Variants in DMD observed in about 807,000 individuals in gnomAD.
DMD encodes mutant dystrophin.
DMD carries 63 observed loss-of-function variants against 330.1 expected under a neutral mutation model. That is an observed-to-expected ratio of 0.19 (90% CI 0.16 to 0.24). The LOEUF (loss-of-function observed/expected upper bound fraction) is 0.24. Among genes scored for constraint, DMD ranks in the 10% least tolerant of loss-of-function variants. DMD has a pLI of 1.00. For missense variants in DMD, 3,344 were observed against 2,684.1 expected (o/e 1.25, Z -5.43); for synonymous variants, 1,223 against 959.8 (o/e 1.27, Z -5.07).
At chrX:31,836,516 C>T (rs2093201427) in intron 49 of DMD, among the ~76,000 whole-genome samples, 1 of 112,378 alleles carries the variant, frequency 8.9e-6, no homozygotes, top group African/African-American at 3.2e-5. Context: ...AGCAATGACT[C>T]GTTAATAGCC....
intron 1 of DMD, among the ~76,000 whole-genome samples, chrX:33,280,062 A>G (rs189230607): frequency 6.8e-5 from 7 of 102,530 alleles, no homozygotes; most frequent in African/African-American, 2.4e-4. Flanking sequence ...GACTCACTGC[A>G]ACCTCTGCCT....
intron 61 of DMD, among the ~76,000 whole-genome samples, chrX:31,341,598 A>C (rs2148437654): frequency 9.0e-6 from 1 of 111,214 alleles, no homozygotes; most frequent in South Asian, 3.9e-4. Flanking sequence ...ACGAGAGAAT[A>C]ATCGTTGGCA....
At chrX:32,191,972 TA>T (rs2096978123) in intron 44 of DMD, among the ~76,000 whole-genome samples, 1 of 111,824 alleles carries the variant, frequency 8.9e-6, no homozygotes, top group Non-Finnish European at 1.9e-5. Context: ...ACATTACAGT[TA>T]AAACTGAGGT....
At chrX:32,263,988 A>G (rs1001110159) in intron 43 of DMD, among the ~76,000 whole-genome samples, 3 of 112,100 alleles carry the variant, frequency 2.7e-5, no homozygotes, top group African/African-American at 9.7e-5. Flanking sequence ...AAATTTCTTC[A>G]ATGTAGAAAA....
intron 7 of DMD, among the ~76,000 whole-genome samples, chrX:32,757,956 G>A (rs776043536): frequency 9.0e-6 from 1 of 111,719 alleles, no homozygotes; most frequent in African/African-American, 3.3e-5. Flanking sequence ...ACAGGAGGAG[G>A]AGGAGGAAGA....
intron 55 of DMD, among the ~76,000 whole-genome samples, chrX:31,611,803 C>T (rs1254856597): frequency 4.5e-5 from 5 of 110,988 alleles, no homozygotes; most frequent in Non-Finnish European, 7.5e-5. Flanking sequence ...TCAAGTGATC[C>T]TCCTGCTTTA....
At chrX:32,941,868 C>T (rs200019804) in intron 2 of DMD, among the ~76,000 whole-genome samples, 1 of 67,534 alleles carries the variant, frequency 1.5e-5, no homozygotes, top group South Asian at 6.5e-4. Context: ...TATCATACAA[C>T]TCTCTTTTTA....
intron 2 of DMD, among the ~76,000 whole-genome samples, chrX:32,870,981 A>AAAAAAAAAAAAAAAAAAAAAAAAAAAG: frequency 1.2e-5 from 1 of 82,578 alleles, no homozygotes; most frequent in East Asian, 3.9e-4. Context: ...AAAAAAAAAA[A>AAAAAAAAAAAAAAAAAAAAAAAAAAAG]AAAAAAACCA....
At chrX:32,152,657 A>C (rs2096810590) in intron 44 of DMD, among the ~76,000 whole-genome samples, 1 of 111,814 alleles carries the variant, frequency 8.9e-6, no homozygotes, top group Admixed American at 9.5e-5. Flanking sequence ...GTGCCCTTAA[A>C]CATTTGTTTT....
intron 9 of DMD, among the ~76,000 whole-genome samples, chrX:32,690,154 AC>A (rs2147462074): frequency 9.0e-6 from 1 of 110,876 alleles, no homozygotes; most frequent in East Asian, 2.8e-4. Context: ...TGAATAGAAA[AC>A]CCTAGAATCC....
intron 55 of DMD, among the ~76,000 whole-genome samples, chrX:31,569,640 A>ACGTATATACGTATATATACG (rs762438796): frequency 2.4e-5 from 2 of 83,509 alleles, no homozygotes; most frequent in African/African-American, 8.7e-5. Flanking sequence ...ACGTATATAT[A>ACGTATATACGTATATATACG]TGTATATACG....
chrX:32,494,481 T>C (rs1270214738), intron 19 of DMD, among the ~76,000 whole-genome samples: 1 of 111,131 alleles, frequency 9.0e-6, no homozygotes, highest in Non-Finnish European at 1.9e-5. Context: ...TGCCCCTTAC[T>C]AGATGTGTGA....
chrX:32,695,499 A>G (rs929408968), intron 9 of DMD, among the ~76,000 whole-genome samples: 1 of 111,457 alleles, frequency 9.0e-6, no homozygotes, highest in Non-Finnish European at 1.9e-5. Flanking sequence ...GCCTTGTTAT[A>G]TGGACAAAAT....
intron 62 of DMD, among the ~76,000 whole-genome samples, chrX:31,318,161 A>T (rs2148249120): frequency 8.9e-6 from 1 of 112,130 alleles, no homozygotes; most frequent in South Asian, 3.8e-4. Context: ...GAGGCAATAC[A>T]GTAGGGGGCA....
chrX:33,301,789 A>T (rs2053666669), intron 1 of DMD, among the ~76,000 whole-genome samples: 1 of 111,370 alleles, frequency 9.0e-6, no homozygotes, highest in Non-Finnish European at 1.9e-5. Context: ...CATTAATCCC[A>T]TTCATTAGGG....
chrX:31,485,164 A>G, intron 57 of DMD, among the ~76,000 whole-genome samples: 1 of 112,189 alleles, frequency 8.9e-6, no homozygotes. Flanking sequence ...ATAGAGAAGA[A>G]CCAAGTTATT....
intron 44 of DMD, among the ~76,000 whole-genome samples, chrX:32,152,187 G>A (rs988633568): frequency 7.2e-5 from 8 of 111,780 alleles, no homozygotes; most frequent in Non-Finnish European, 7.5e-5. Context: ...CCACATATGG[G>A]CTACATTACA....
chrX:32,968,790 G>C (rs1181981023), intron 2 of DMD, among the ~76,000 whole-genome samples: 1 of 108,867 alleles, frequency 9.2e-6, no homozygotes, highest in Non-Finnish European at 1.9e-5. Flanking sequence ...AGCACTTTGG[G>C]AGGCCAGGGT....
chrX:31,240,194 C>T lies in DMD; in HGVS notation c.9287-17073G>A, dbSNP rs373047390. Among the ~76,000 whole-genome samples, 33 of 109,761 alleles carry T rather than the reference C, an allele frequency of 3.0e-4. 1 individual carries two copies. The highest frequency in any genetic ancestry group is 2.2e-3 in the Admixed American group (22 of 10,229). On this transcript the variant is annotated intron_variant, in intron 63 of 78. Transcript: ENST00000357033. Reference sequence around the variant, plus strand: ...TCATTCACCATCTGTCAGTCTATTGCGCTACAGGAAAAAAAAAACTCCAGG... The same window carrying T: ...TCATTCACCATCTGTCAGTCTATTGTGCTACAGGAAAAAAAAAACTCCAGG...
Sources: gnomAD v4.1 joint callset for allele counts (sites outside exome capture counted in the v4.1 genomes callset) on GRCh38, gnomAD v4.1.1 for gene constraint, MANE v1.5 for transcripts, NCBI Gene and HGNC (gene_info 2026-07-23, HGNC 2026-07-21) for gene names.